The following TYW1 variants were observed in gnomAD, a reference collection of about 807,000 sequenced individuals.
The protein encoded by TYW1 is S-adenosyl-L-methionine-dependent tRNA 4-demethylwyosine synthase TYW1.
A neutral mutation model predicts 96.2 loss-of-function variants in TYW1; 46 were observed. The ratio of observed to expected loss-of-function variants is 0.48; its 90% confidence interval spans 0.38 to 0.61. The LOEUF is 0.61. Among genes scored for constraint, TYW1 ranks in the 20% least tolerant of loss-of-function variants. The probability of loss-of-function intolerance (pLI) is 0.00; values close to 1 mark genes in which losing one functional copy is unlikely to be tolerated. For missense variants in TYW1, 684 were observed against 909.6 expected (o/e 0.75, Z 3.19); for synonymous variants, 274 against 323.0 (o/e 0.85, Z 1.63).
At chr7:67,099,962 A>G (rs1395241091) in intron 12 of TYW1, among the ~76,000 whole-genome samples, 2 of 152,082 alleles carry the variant, frequency 1.3e-5, no homozygotes, top group Non-Finnish European at 1.5e-5. Context: ...AGATCGCACC[A>G]TTGCACTCCA....
intron 14 of TYW1, among the ~76,000 whole-genome samples, chr7:67,191,003 G>A (rs1800189035): frequency 6.6e-6 from 1 of 152,170 alleles, no homozygotes; most frequent in African/African-American, 2.4e-5. Context: ...CACTATAAAG[G>A]AATACCTGAG....
intron 5 of TYW1, among the ~76,000 whole-genome samples, chr7:67,015,461 C>T (rs961333545): frequency 3.9e-5 from 6 of 152,182 alleles, no homozygotes; most frequent in African/African-American, 1.4e-4. Flanking sequence ...AAGGGATCCT[C>T]CCAAGTCAGC....
At chr7:67,204,791 A>T (rs955910080) in intron 15 of TYW1, among the ~76,000 whole-genome samples, 31 of 151,564 alleles carry the variant, frequency 2.0e-4, no homozygotes, top group Non-Finnish European at 2.4e-4. Context: ...ATGGGGTTTC[A>T]CCATGTTGGC....
chr7:67,106,620 A>G (rs1797253315), intron 12 of TYW1, among the ~76,000 whole-genome samples: 1 of 152,182 alleles, frequency 6.6e-6, no homozygotes, highest in African/African-American at 2.4e-5. Flanking sequence ...CTGTAACAGC[A>G]TCTCCCACTT....
At chr7:67,237,468 C>G (rs568396577) in intron 15 of TYW1, among the ~76,000 whole-genome samples, 79 of 149,870 alleles carry the variant, frequency 5.3e-4, no homozygotes, top group African/African-American at 1.9e-3. Context: ...CCACTACACT[C>G]CAGCCTGGGC....
chr7:67,222,897 G>A (rs1428088524), intron 15 of TYW1, among the ~76,000 whole-genome samples: 5 of 133,988 alleles, frequency 3.7e-5, no homozygotes, highest in East Asian at 4.4e-4. Context: ...CTATTCGGAC[G>A]TGATCATTTC....
In TYW1 at chr7:67,147,525, G is replaced by A. The variant is rs530801541; in HGVS notation, c.1698+29907G>A. ...GTTGTACAGATTATTTCATCATCCA[G>A]GTATTAAGCCTGCTACCCATTTGTT... On this transcript the variant is annotated intron_variant, in intron 13 of 15. Transcript: ENST00000359626. Among the ~76,000 whole-genome samples, 7 of 152,222 alleles carry A rather than the reference G, an allele frequency of 4.6e-5. 1 individual carries two copies. In the South Asian group the frequency reaches 1.5e-3, roughly 32 times the overall value.
intron 13 of TYW1, among the ~76,000 whole-genome samples, chr7:67,121,665 CTT>C (rs1314266611): frequency 6.6e-6 from 1 of 150,806 alleles, no homozygotes; most frequent in Non-Finnish European, 1.5e-5. Flanking sequence ...TTTGATTAGA[CTT>C]TTACTATGCC....
chr7:67,001,838 G>A (rs1425231522), intron 3 of TYW1, among the ~76,000 whole-genome samples: 1 of 151,814 alleles, frequency 6.6e-6, no homozygotes, highest in East Asian at 2.0e-4. Context: ...TTCGAGACCA[G>A]CCTCGGCAAC....
intron 7 of TYW1, among the ~76,000 whole-genome samples, chr7:67,036,185 A>G (rs1447724474): frequency 6.7e-6 from 1 of 150,104 alleles, no homozygotes; most frequent in Non-Finnish European, 1.5e-5. Context: ...CAGGGAATAG[A>G]CATTTGTTCC....
chr7:67,217,846 CTTTTTTTTTTT>C (rs57748332), intron 15 of TYW1, among the ~76,000 whole-genome samples: 4 of 69,234 alleles, frequency 5.8e-5, no homozygotes, highest in African/African-American at 1.8e-4. Flanking sequence ...GTGTTGATGT[CTTTTTTTTTTT>C]TTTTTTTTTT....
At chr7:67,139,665 C>G (rs556541746) in intron 13 of TYW1, among the ~76,000 whole-genome samples, 106 of 151,586 alleles carry the variant, frequency 7.0e-4, no homozygotes, top group Non-Finnish European at 7.7e-4. Flanking sequence ...GGTTGAATCT[C>G]CAGATGCTGA....
At chr7:67,189,953 A>G (rs1459118921) in intron 14 of TYW1, among the ~76,000 whole-genome samples, 7 of 151,318 alleles carry the variant, frequency 4.6e-5, no homozygotes, top group Admixed American at 4.6e-4. Flanking sequence ...GTTTCATGTT[A>G]CAACCATCTG....
chr7:67,009,866 T>G (rs1793731699), intron 4 of TYW1, 182 bp downstream of exon 4: 1 of 611,332 alleles, frequency 1.6e-6, no homozygotes, highest in Non-Finnish European at 2.7e-6. Context: ...GTTCACTGAT[T>G]CTCACGTGGT....
chr7:67,236,820 TTTTC>T (rs1422620959), intron 15 of TYW1, among the ~76,000 whole-genome samples: 1 of 139,024 alleles, frequency 7.2e-6, no homozygotes, highest in East Asian at 2.0e-4. Context: ...AACCTATGTA[TTTTC>T]TTTCTTTTTT....
chr7:67,033,667 C>A (rs2129251892), intron 7 of TYW1, among the ~76,000 whole-genome samples: 1 of 151,550 alleles, frequency 6.6e-6, no homozygotes, highest in South Asian at 2.1e-4. Context: ...TCCATGCTCT[C>A]TACTCTTTCA....
At chr7:67,073,561 G>A (rs538338116) in intron 10 of TYW1, among the ~76,000 whole-genome samples, 97 of 151,606 alleles carry the variant, frequency 6.4e-4, no homozygotes, top group African/African-American at 2.2e-3. Context: ...CACGAGGTCA[G>A]GAGTTCAAGA....
At chr7:67,062,001 G>C (rs1239445293) in intron 9 of TYW1, among the ~76,000 whole-genome samples, 4 of 152,170 alleles carry the variant, frequency 2.6e-5, no homozygotes, top group African/African-American at 9.7e-5. Context: ...CAGTGCCGTT[G>C]TACTGTGAGG....
chr7:67,204,570 C>CCTTCTTCCTTCTTTCTTCTT (rs1800716352), intron 15 of TYW1, among the ~76,000 whole-genome samples: 1 of 140,308 alleles, frequency 7.1e-6, no homozygotes, highest in South Asian at 2.2e-4. Flanking sequence ...CTTTCTTCTT[C>CCTTCTTCCTTCTTTCTTCTT]CTTCTTCCTT....
Sources: gnomAD v4.1 joint callset for allele counts (sites outside exome capture counted in the v4.1 genomes callset) on GRCh38, gnomAD v4.1.1 for gene constraint, MANE v1.5 for transcripts, NCBI Gene and HGNC (gene_info 2026-07-23, HGNC 2026-07-21) for gene names.